The following PPM1L variants were observed in gnomAD, a reference collection of about 807,000 sequenced individuals.
The protein encoded by PPM1L is protein phosphatase 1L.
A neutral mutation model predicts 31.4 loss-of-function variants in PPM1L; 13 were observed. The ratio of observed to expected loss-of-function variants is 0.41; its 90% CI spans 0.27 to 0.66. The LOEUF is 0.66. Among genes scored for constraint, PPM1L ranks in the 30% least tolerant of loss-of-function variants. The pLI is 0.29. For missense variants in PPM1L, 326 were observed against 453.7 expected, an observed-to-expected ratio of 0.72 and a Z score of 2.56; for synonymous variants, 184 against 175.4, an observed-to-expected ratio of 1.05 and a Z score of -0.39.
chr3:160,789,528 C>G (rs1712038075), intron 1 of PPM1L, among the ~76,000 whole-genome samples: 2 of 151,932 alleles, frequency 1.3e-5, no homozygotes, highest in South Asian at 2.1e-4. Context: ...CTTACTGGTT[C>G]TGTTTCTAGA....
At chr3:160,758,060 T>A (rs548090101) in intron 1 of PPM1L, among the ~76,000 whole-genome samples, 8 of 152,368 alleles carry the variant, frequency 5.3e-5, no homozygotes. Flanking sequence ...AAAACTCATT[T>A]GGTAGAACTG....
intron 2 of PPM1L, chr3:161,022,347 A>G (rs1718257512): frequency 2.5e-6 from 1 of 396,344 alleles, no homozygotes; most frequent in African/African-American, 2.1e-5. Context: ...CAATAATTTC[A>G]TAATTATTTC....
intron 2 of PPM1L, among the ~76,000 whole-genome samples, chr3:161,038,160 G>A (rs2108086809): frequency 6.6e-6 from 1 of 151,102 alleles, no homozygotes; most frequent in South Asian, 2.1e-4. Context: ...CGTGAACCCG[G>A]GAGGCGGAGC....
At chr3:160,882,044 C>CT (rs1712738464) in intron 1 of PPM1L, among the ~76,000 whole-genome samples, 1 of 96,694 alleles carries the variant, frequency 1.0e-5, no homozygotes, top group Non-Finnish European at 2.3e-5. Context: ...GAGTGAGACT[C>CT]TGTCTCAAAA....
At chr3:160,864,420 G>A (rs554005004) in intron 1 of PPM1L, among the ~76,000 whole-genome samples, 1 of 152,110 alleles carries the variant, frequency 6.6e-6, no homozygotes, top group Admixed American at 6.5e-5. Flanking sequence ...CAAGCAGTCT[G>A]CCCACCTCAG....
chr3:160,790,831 A>T (rs1165687890), intron 1 of PPM1L, among the ~76,000 whole-genome samples: 1 of 152,004 alleles, frequency 6.6e-6, no homozygotes, highest in Non-Finnish European at 1.5e-5. Flanking sequence ...ATGTAGAACA[A>T]TTTTCATATT....
intron 1 of PPM1L, among the ~76,000 whole-genome samples, chr3:160,958,720 A>C (rs1715859891): frequency 6.6e-6 from 1 of 152,196 alleles, no homozygotes; most frequent in South Asian, 2.1e-4. Context: ...TAAAGTTGTA[A>C]TTTTGTCAGC....
chr3:161,007,624 TA>T lies in PPM1L; in HGVS notation c.574+45718del, dbSNP rs535475666. Among the ~76,000 whole-genome samples, 58 of 152,358 alleles carry T rather than the reference TA, an allele frequency of 3.8e-4. 1 individual carries two copies. In the South Asian group the frequency reaches 0.01, roughly 27 times the overall value. On this transcript the variant is annotated intron_variant, in intron 2 of 3. Transcript: ENST00000498165. The stretch of plus-strand genomic sequence containing the variant: ...CCCAACACAAATTCGTAAACTTTCT[TA>T]AAATATTATGATTTATTTATTTTTT...
At chr3:160,763,959 C>A (rs1211210430) in intron 1 of PPM1L, among the ~76,000 whole-genome samples, 1 of 152,088 alleles carries the variant, frequency 6.6e-6, no homozygotes, top group African/African-American at 2.4e-5. Context: ...AAATCTACAG[C>A]AAAGCCAAAT....
intron 2 of PPM1L, among the ~76,000 whole-genome samples, chr3:161,011,783 T>G (rs1468097867): frequency 6.6e-6 from 1 of 152,216 alleles, no homozygotes; most frequent in Non-Finnish European, 1.5e-5. Context: ...GATGCAATTG[T>G]GAATGGGAGT....
intron 1 of PPM1L, among the ~76,000 whole-genome samples, chr3:160,924,956 T>C (rs1227919672): frequency 6.6e-6 from 1 of 152,226 alleles, no homozygotes; most frequent in Non-Finnish European, 1.5e-5. Flanking sequence ...ATTGCAGACA[T>C]GCTAGAGGTT....
intron 1 of PPM1L, among the ~76,000 whole-genome samples, chr3:160,858,595 A>G (rs1443890609): frequency 1.3e-5 from 2 of 152,200 alleles, no homozygotes; most frequent in East Asian, 1.9e-4. Context: ...GAATGGGACT[A>G]CATTACCCTC....
At chr3:161,022,951 A>G (rs1445791105) in intron 2 of PPM1L, among the ~76,000 whole-genome samples, 2 of 152,134 alleles carry the variant, frequency 1.3e-5, no homozygotes, top group African/African-American at 4.8e-5. Context: ...GGCATGAGCC[A>G]CTGTGCCCAG....
At chr3:160,949,677 G>A (rs10513559) in intron 1 of PPM1L, among the ~76,000 whole-genome samples, 54,792 of 152,030 alleles carry the variant, frequency 0.36, 12,645 homozygotes, top group Non-Finnish European at 0.52. Flanking sequence ...GTGTCAGGGA[G>A]ACCCACATAG....
intron 2 of PPM1L, among the ~76,000 whole-genome samples, chr3:161,043,859 G>C (rs929128635): frequency 1.3e-5 from 2 of 152,026 alleles, no homozygotes; most frequent in Admixed American, 6.6e-5. Context: ...GTGGTGTTTC[G>C]AAAGTGATCA....
intron 1 of PPM1L, among the ~76,000 whole-genome samples, chr3:160,815,905 C>G (rs537376790): frequency 6.6e-6 from 1 of 152,242 alleles, no homozygotes; most frequent in South Asian, 2.1e-4. Context: ...GTTTTGAGTT[C>G]TTTTTCCCTA....
chr3:160,881,394 A>G (rs1316188824), intron 1 of PPM1L, among the ~76,000 whole-genome samples: 1 of 152,162 alleles, frequency 6.6e-6, no homozygotes, highest in Non-Finnish European at 1.5e-5. Flanking sequence ...TTGAATTATC[A>G]GTTTTTTCTA....
At chr3:160,870,027 C>A (rs550335535) in intron 1 of PPM1L, among the ~76,000 whole-genome samples, 21 of 152,258 alleles carry the variant, frequency 1.4e-4, no homozygotes, top group African/African-American at 4.8e-4. Context: ...GTGGTAGCAA[C>A]AATTCAAAAT....
intron 2 of PPM1L, among the ~76,000 whole-genome samples, chr3:161,031,697 G>A (rs890302116): frequency 2.6e-5 from 4 of 151,880 alleles, no homozygotes; most frequent in Non-Finnish European, 5.9e-5. Context: ...TGTGGAGACA[G>A]GTCTCGCTGT....
Sources: gnomAD v4.1 joint callset for allele counts (sites outside exome capture counted in the v4.1 genomes callset) on GRCh38, gnomAD v4.1.1 for gene constraint, MANE v1.5 for transcripts, NCBI Gene and HGNC (gene_info 2026-07-23, HGNC 2026-07-21) for gene names.